TBXAS1: variants seen among roughly 807,000 people sequenced by gnomAD.
The protein encoded by TBXAS1 is thromboxane A synthase 1, also known as thromboxane-A synthase.
A neutral mutation model predicts 60.7 loss-of-function variants in TBXAS1; 48 were observed. The ratio of observed to expected loss-of-function variants is 0.79; its 90% CI spans 0.63 to 1.01. The LOEUF is 1.01. TBXAS1 is among the 50% of genes least tolerant of loss of function. The pLI is 0.00. For missense variants in TBXAS1, 685 were observed against 686.3 expected (o/e 1.00, Z 0.02); for synonymous variants, 287 against 269.7 (o/e 1.06, Z -0.63).
At chr7:139,973,964 C>T (rs1005440846) in intron 9 of TBXAS1, among the ~76,000 whole-genome samples, 1 of 152,124 alleles carries the variant, frequency 6.6e-6, no homozygotes, top group South Asian at 2.1e-4. Context: ...CAAAAGAATC[C>T]TTATTATAAA....
chr7:139,860,736 A>G (rs73734120), intron 1 of TBXAS1, among the ~76,000 whole-genome samples: 2,565 of 152,338 alleles, frequency 0.017, 49 homozygotes, highest in African/African-American at 0.038. Flanking sequence ...CCTGCCTGTA[A>G]ACCAGTGAGG....
chr7:139,865,653 G>GGAGGAGGAGGAA (rs1801313468), intron 1 of TBXAS1, among the ~76,000 whole-genome samples: 1 of 91,520 alleles, frequency 1.1e-5, no homozygotes, highest in East Asian at 3.8e-4. Context: ...AGGAGGAAGA[G>GGAGGAGGAGGAA]GAGGAGGAGG....
At chr7:139,824,784 T>G (rs950800005), upstream of TBXAS1, among the ~76,000 whole-genome samples, 1 of 151,904 alleles carries the variant, frequency 6.6e-6, no homozygotes, top group Non-Finnish European at 1.5e-5. Flanking sequence ...TCTGTACAGT[T>G]GTGTAGAGTT....
At chr7:139,911,466 G>T (rs1805513734) in intron 4 of TBXAS1, 145 bp downstream of exon 4, 4 of 764,104 alleles carry the variant, frequency 5.2e-6, no homozygotes, top group African/African-American at 3.4e-5. Flanking sequence ...CAGTGAACTC[G>T]GTTTTTCAAA....
intron 3 of TBXAS1, among the ~76,000 whole-genome samples, chr7:139,904,985 TTC>T (rs915574980): frequency 4.5e-5 from 6 of 134,574 alleles, no homozygotes; most frequent in African/African-American, 1.8e-4. Context: ...TTCTTTCTCT[TTC>T]TCTCTTTCTC....
At chr7:139,897,380 G>T (rs1347131108) in intron 3 of TBXAS1, among the ~76,000 whole-genome samples, 1 of 152,202 alleles carries the variant, frequency 6.6e-6, no homozygotes, top group African/African-American at 2.4e-5. Flanking sequence ...GAATAAGGAG[G>T]CACAAGGCCA....
At chr7:139,858,957 C>G (rs981849413) in intron 1 of TBXAS1, among the ~76,000 whole-genome samples, 3 of 152,210 alleles carry the variant, frequency 2.0e-5, no homozygotes, top group African/African-American at 2.4e-5. Context: ...CAACCTCCCC[C>G]TCCTGGGTTC....
intron 8 of TBXAS1, 90 bp downstream of exon 8, chr7:139,957,854 C>G: frequency 6.4e-7 from 1 of 1,569,746 alleles, no homozygotes; most frequent in Non-Finnish European, 8.7e-7. Context: ...CTCTCAGCCC[C>G]GCACATCACA....
chr7:139,839,253 C>T (rs185218894), intron 1 of TBXAS1, among the ~76,000 whole-genome samples: 39 of 152,026 alleles, frequency 2.6e-4, no homozygotes, highest in African/African-American at 8.9e-4. Flanking sequence ...GAATATTTAG[C>T]AAAAAAGAGA....
At chr7:139,851,441 TAATA>T (rs1389797818) in intron 1 of TBXAS1, among the ~76,000 whole-genome samples, 1 of 152,272 alleles carries the variant, frequency 6.6e-6, no homozygotes, top group African/African-American at 2.4e-5. Context: ...AAGTGCTTAA[TAATA>T]AATGTTAGCT....
intron 10 of TBXAS1, among the ~76,000 whole-genome samples, chr7:140,008,121 AC>A (rs1814237161): frequency 6.6e-6 from 1 of 152,246 alleles, no homozygotes; most frequent in Non-Finnish European, 1.5e-5. Context: ...ATATGGAAAT[AC>A]CTTTCACCAT....
intron 9 of TBXAS1, among the ~76,000 whole-genome samples, chr7:139,979,107 A>G (rs556478309): frequency 1.3e-5 from 2 of 152,306 alleles, no homozygotes; most frequent in South Asian, 4.1e-4. Flanking sequence ...TCTGAGGTAG[A>G]TCGTTCCAGG....
chr7:139,869,308 ATC>A (rs1219830046), intron 1 of TBXAS1, among the ~76,000 whole-genome samples: 5 of 151,932 alleles, frequency 3.3e-5, no homozygotes, highest in Non-Finnish European at 7.4e-5. Flanking sequence ...TTTCCTGTGA[ATC>A]TCTGTCTTCA....
At chr7:140,001,366 C>T (rs1250787783) in intron 9 of TBXAS1, among the ~76,000 whole-genome samples, 1 of 152,196 alleles carries the variant, frequency 6.6e-6, no homozygotes, top group Non-Finnish European at 1.5e-5. Context: ...AGCACCCTCA[C>T]TAGCTGTTGG....
rs543431458 is a variant in TBXAS1 at position 139,837,817 on chromosome 7, AAAAAAC to A, written c.89+8349_89+8354del. Among the ~76,000 whole-genome samples the A allele has an allele frequency of 4.0e-4, 61 of 152,328 alleles. 2 individuals are homozygous for A. The South Asian group carries it at 0.012, about 31-fold the overall frequency. On this transcript the variant is annotated intron_variant, in intron 1 of 12. Coordinates refer to ENST00000448866, the MANE Select transcript of TBXAS1 (RefSeq NM_001061.7). ...TGCCCCAACAACTTATGGAAAAATAAAAAAACAAAAACAAAACAAAACAAAAAAGCA... is the reference window on the plus strand; with the variant it reads ...TGCCCCAACAACTTATGGAAAAATAAAAAAACAAAACAAAACAAAAAAGCA...
At chr7:139,967,445 C>T (rs1385451599) in intron 9 of TBXAS1, among the ~76,000 whole-genome samples, 1 of 152,126 alleles carries the variant, frequency 6.6e-6, no homozygotes, top group African/African-American at 2.4e-5. Context: ...TCTTTAAATC[C>T]CTCTAATGTC....
chr7:140,003,124 CAA>C (rs762640788), intron 9 of TBXAS1, among the ~76,000 whole-genome samples: 15 of 33,206 alleles, frequency 4.5e-4, no homozygotes, highest in Admixed American at 1.2e-3. Flanking sequence ...AACTCCGTCT[CAA>C]AAAAAAAAAA....
intron 3 of TBXAS1, among the ~76,000 whole-genome samples, chr7:139,787,169 G>A (rs1227153823): frequency 1.3e-5 from 2 of 152,142 alleles, no homozygotes; most frequent in Admixed American, 1.3e-4. Context: ...ATAATCTTTT[G>A]TCATAGAATT....
intron 4 of TBXAS1, among the ~76,000 whole-genome samples, chr7:139,815,606 C>G (rs1460398383): frequency 6.6e-6 from 1 of 152,224 alleles, no homozygotes; most frequent in Non-Finnish European, 1.5e-5. Flanking sequence ...TATGTTACCT[C>G]ATCTTCCACT....
Sources: gnomAD v4.1 joint callset for allele counts (sites outside exome capture counted in the v4.1 genomes callset) on GRCh38, gnomAD v4.1.1 for gene constraint, MANE v1.5 for transcripts, NCBI Gene and HGNC (gene_info 2026-07-23, HGNC 2026-07-21) for gene names.